ANKS1B: variants seen among roughly 807,000 people sequenced by gnomAD.
ANKS1B encodes ankyrin repeat and sterile alpha motif domain-containing protein 1B.
ANKS1B carries 36 observed loss-of-function variants against 148.3 expected under a neutral mutation model. That is an observed-to-expected ratio of 0.24 (90% CI 0.19 to 0.32). The LOEUF (loss-of-function observed/expected upper bound fraction) is 0.32. Among genes scored for constraint, ANKS1B ranks in the 10% least tolerant of loss-of-function variants. ANKS1B has a pLI of 1.00. For synonymous variants in ANKS1B, 542 were observed against 560.8 expected (o/e 0.97, Z 0.47); for missense variants, 1,157 against 1,542.6 (o/e 0.75, Z 4.19).
At chr12:99,082,871 A>T (rs1304967777) in intron 16 of ANKS1B, among the ~76,000 whole-genome samples, 1 of 152,184 alleles carries the variant, frequency 6.6e-6, no homozygotes, top group Non-Finnish European at 1.5e-5. Context: ...TTGAGTGCTT[A>T]TCTATTTTTA....
At chr12:99,400,870 T>C (rs1441407115) in intron 11 of ANKS1B, among the ~76,000 whole-genome samples, 1 of 145,348 alleles carries the variant, frequency 6.9e-6, no homozygotes, top group East Asian at 1.9e-4. Flanking sequence ...CATAGATTAT[T>C]TTCCTGCAAA....
intron 15 of ANKS1B, among the ~76,000 whole-genome samples, chr12:99,138,839 A>C (rs1240127244): frequency 6.6e-6 from 1 of 152,062 alleles, no homozygotes; most frequent in Non-Finnish European, 1.5e-5. Flanking sequence ...CTTCCTCCAG[A>C]GATTTCACCA....
intron 9 of ANKS1B, among the ~76,000 whole-genome samples, chr12:99,559,552 A>G (rs1309273412): frequency 6.6e-6 from 1 of 152,206 alleles, no homozygotes; most frequent in East Asian, 1.9e-4. Flanking sequence ...AGCAGAATCA[A>G]TATTTTCTGA....
At chr12:99,391,443 T>C (rs1730047435) in intron 12 of ANKS1B, among the ~76,000 whole-genome samples, 1 of 152,210 alleles carries the variant, frequency 6.6e-6, no homozygotes, top group African/African-American at 2.4e-5. Flanking sequence ...TTAAATATGC[T>C]ATTCCTTCTT....
chr12:98,769,732 T>C (rs2098543224), intron 25 of ANKS1B, among the ~76,000 whole-genome samples: 2 of 152,150 alleles, frequency 1.3e-5, no homozygotes, highest in South Asian at 4.1e-4. Context: ...GAAAAATACT[T>C]TAGATACTCT....
At chr12:98,866,558 C>T (rs2099625493) in intron 17 of ANKS1B, among the ~76,000 whole-genome samples, 3 of 152,236 alleles carry the variant, frequency 2.0e-5, no homozygotes, top group African/African-American at 2.4e-5. Context: ...TATCACCTCG[C>T]CCATCCTTGA....
Position 99,246,558 on chromosome 12 carries a change from C to T in ANKS1B, c.2063G>A (p.Gly688Asp). Residue 688 changes from glycine to aspartate, a missense_variant, in exon 13 of 27, where the codon GGC becomes GAC. Gly to Asp is a moderately conservative substitution (Grantham distance 94). Around this residue, in one of 6 missense-constraint regions of ANKS1B, gnomAD observed 661 missense variants for 642.1 expected, o/e 1.03. Coordinates refer to ENST00000683438, the MANE Select transcript of ANKS1B (RefSeq NM_001352186.2). ...AGATCCACTCCTGGTTGATCTTGTG[C>T]CAACAATGGTATGGTTTTCGAGTTG... ...SNQLENHTIV[G>D]TRSTRSGSRN... 6.2e-7 allele frequency: 1 copy of T among 1,613,840 alleles called. No homozygotes were observed.
At position 99,406,689 on chromosome 12, in the gene ANKS1B, T is replaced by C. The variant is rs534811233; in HGVS notation, c.1576-6878A>G. ...AAGATCAGAGCAGAAATAGATAAAA[T>C]TGAAACAAAGAAAATACCATAAATG... On this transcript the variant is annotated intron_variant, in intron 11 of 26. Coordinates refer to ENST00000683438, the MANE Select transcript of ANKS1B (RefSeq NM_001352186.2). Among the ~76,000 whole-genome samples, 16 of 145,544 alleles carry C rather than the reference T, an allele frequency of 1.1e-4. 2 individuals carry two copies. Among genetic ancestry groups the C allele is most frequent in the Admixed American group, 5.5e-4 (8 of 14,674 alleles).
At chr12:99,150,844 C>A (rs747255788) in intron 15 of ANKS1B, among the ~76,000 whole-genome samples, 1 of 151,728 alleles carries the variant, frequency 6.6e-6, no homozygotes. Context: ...TAGGCTTTGC[C>A]AAGCAGGAGG....
chr12:99,745,679 C>G (rs941529942), intron 8 of ANKS1B, among the ~76,000 whole-genome samples: 1 of 151,974 alleles, frequency 6.6e-6, no homozygotes, highest in Non-Finnish European at 1.5e-5. Context: ...AGTAAAATTA[C>G]AATTTACAAT....
chr12:99,677,092 T>A (rs755473088), intron 8 of ANKS1B, among the ~76,000 whole-genome samples: 2 of 152,246 alleles, frequency 1.3e-5, no homozygotes, highest in Non-Finnish European at 2.9e-5. Flanking sequence ...AATAGGTTCT[T>A]TAACAAAAAG....
chr12:99,632,769 T>TATATATATA (rs2098182743), intron 9 of ANKS1B, among the ~76,000 whole-genome samples: 1 of 43,312 alleles, frequency 2.3e-5, no homozygotes, highest in Admixed American at 2.9e-4. Flanking sequence ...ATATATATAT[T>TATATATATA]TTAATTATAC....
chr12:99,441,552 T>C (rs996052850), intron 11 of ANKS1B, among the ~76,000 whole-genome samples: 60 of 152,090 alleles, frequency 3.9e-4, no homozygotes, highest in African/African-American at 1.4e-3. Flanking sequence ...TTATATTCTT[T>C]CTGCAATTAT....
intron 1 of ANKS1B, among the ~76,000 whole-genome samples, chr12:99,977,915 C>T (rs893378624): frequency 1.3e-5 from 2 of 152,138 alleles, no homozygotes; most frequent in African/African-American, 4.8e-5. Flanking sequence ...ATGTCCAAAA[C>T]GGAAACTAAA....
At chr12:99,604,725 G>A (rs1268173595) in intron 9 of ANKS1B, among the ~76,000 whole-genome samples, 9 of 148,176 alleles carry the variant, frequency 6.1e-5, no homozygotes, top group Non-Finnish European at 1.5e-5. Flanking sequence ...TGAAGCAGGA[G>A]AATTGTTTGA....
chr12:99,631,885 G>C (rs901146306), intron 9 of ANKS1B, among the ~76,000 whole-genome samples: 7 of 152,206 alleles, frequency 4.6e-5, no homozygotes, highest in African/African-American at 1.7e-4. Flanking sequence ...GTGTTCAGGA[G>C]AGGAAACCAA....
chr12:99,414,910 A>G (rs193161274), intron 11 of ANKS1B, among the ~76,000 whole-genome samples: 1 of 152,346 alleles, frequency 6.6e-6, no homozygotes, highest in East Asian at 1.9e-4. Flanking sequence ...AACATACATA[A>G]GCATGAGTGT....
intron 12 of ANKS1B, among the ~76,000 whole-genome samples, chr12:99,334,250 C>G (rs566975830): frequency 2.0e-5 from 3 of 151,962 alleles, no homozygotes; most frequent in African/African-American, 7.2e-5. Context: ...TATCTGTTTC[C>G]TGTACATCAA....
rs74351755 is a variant in ANKS1B at position 98,940,369 on chromosome 12, G to T, written c.2779-108233C>A. The stretch of plus-strand genomic sequence containing the variant: ...ACTATTTGGCCTGTGCTGTGAGGAG[G>T]GGGGTGCAGAGGGAGAGAGGAAGAG... On this transcript the variant is annotated intron_variant, in intron 17 of 26. Coordinates refer to ENST00000683438, the MANE Select transcript of ANKS1B (RefSeq NM_001352186.2). Among the ~76,000 whole-genome samples the T allele has an allele frequency of 3.3e-5, 5 of 152,100 alleles. No homozygotes were observed. The South Asian group carries it at 6.2e-4, about 19-fold the overall frequency.
Sources: allele counts gnomAD v4.1 joint callset (sites outside exome capture counted in the v4.1 genomes callset), GRCh38; gene constraint gnomAD v4.1.1; regional missense constraint gnomAD v4.1.1; transcripts MANE v1.5; gene names NCBI Gene and HGNC (gene_info 2026-07-23, HGNC 2026-07-21).